The following MAP2K6 variants were observed in gnomAD, a reference collection of about 807,000 sequenced individuals.
The protein encoded by MAP2K6 is mitogen-activated protein kinase kinase 6, also known as dual specificity mitogen-activated protein kinase kinase 6.
In MAP2K6, 16 loss-of-function variants were observed where a neutral mutation model predicts 53.7. That is an observed-to-expected ratio of 0.30 (90% CI 0.20 to 0.45). The LOEUF (loss-of-function observed/expected upper bound fraction) is 0.45. MAP2K6 is among the 20% of genes least tolerant of loss of function. MAP2K6 has a pLI of 1.00. For missense variants in MAP2K6, 204 were observed against 411.9 expected (o/e 0.50, Z 4.37); for synonymous variants, 132 against 143.1 (o/e 0.92, Z 0.55).
intron 1 of MAP2K6, among the ~76,000 whole-genome samples, chr17:69,489,032 C>G (rs575691442): frequency 6.6e-6 from 1 of 151,938 alleles, no homozygotes; most frequent in South Asian, 2.1e-4. Context: ...ACCAGCCTGA[C>G]CAATATGGTG....
intron 1 of MAP2K6, among the ~76,000 whole-genome samples, chr17:69,481,119 A>G (rs141505440): frequency 7.0e-4 from 106 of 152,274 alleles, no homozygotes; most frequent in African/African-American, 2.5e-3. Context: ...CTGAAAATCC[A>G]CACTCATTAA....
intron 1 of MAP2K6, among the ~76,000 whole-genome samples, chr17:69,473,459 C>G (rs553769590): frequency 1.3e-5 from 2 of 152,256 alleles, no homozygotes; most frequent in South Asian, 2.1e-4. Flanking sequence ...CACCAAAATA[C>G]TAATAGCAGT....
rs185969725 is a variant in MAP2K6, at chr17:69,464,668, C to T, written c.17-41112C>T. Among the ~76,000 whole-genome samples, 156 of 152,202 alleles carry T rather than the reference C, an allele frequency of 1.0e-3. 1 individual carries two copies. In the South Asian group the frequency reaches 0.027, roughly 26 times the overall value. ...AAGTGCTGGGATTACAGGTGTTAGCCGCCGCTACTTATTTTTGTAAGATGT... is the reference window on the plus strand; with the variant it reads ...AAGTGCTGGGATTACAGGTGTTAGCTGCCGCTACTTATTTTTGTAAGATGT... On this transcript the variant is annotated intron_variant, in intron 1 of 11. Transcript: ENST00000590474.
chr17:69,508,074 G>A (rs1439832273), intron 2 of MAP2K6, among the ~76,000 whole-genome samples: 3 of 40,970 alleles, frequency 7.3e-5, no homozygotes, highest in Admixed American at 3.6e-4. Flanking sequence ...TTTTTGAGAC[G>A]GAGTTTCGCT....
At chr17:69,482,092 C>G (rs1810047756) in intron 1 of MAP2K6, among the ~76,000 whole-genome samples, 1 of 151,988 alleles carries the variant, frequency 6.6e-6, no homozygotes, top group African/African-American at 2.4e-5. Flanking sequence ...CTATTCTGAT[C>G]CCTGGATTTT....
At chr17:69,432,763 A>G (rs149526438) in intron 1 of MAP2K6, among the ~76,000 whole-genome samples, 2 of 151,552 alleles carry the variant, frequency 1.3e-5, no homozygotes, top group Non-Finnish European at 2.9e-5. Flanking sequence ...ACGTTTACCT[A>G]TGTAACAAAC....
chr17:69,518,062 C>T (rs759792348), intron 4 of MAP2K6, among the ~76,000 whole-genome samples: 12 of 152,162 alleles, frequency 7.9e-5, no homozygotes, highest in Non-Finnish European at 1.5e-4. Context: ...TGGTGGCACA[C>T]ACCTGTAGTC....
intron 1 of MAP2K6, among the ~76,000 whole-genome samples, chr17:69,417,377 G>T (rs1046698185): frequency 6.6e-6 from 1 of 152,114 alleles, no homozygotes. Context: ...GAACTTTCTA[G>T]ATCACTATAA....
At chr17:69,429,758 A>G (rs1906397391) in intron 1 of MAP2K6, among the ~76,000 whole-genome samples, 2 of 152,126 alleles carry the variant, frequency 1.3e-5, no homozygotes, top group South Asian at 4.1e-4. Flanking sequence ...GGTCAGTGGA[A>G]AGGAACTTTT....
chr17:69,452,775 C>T (rs1040955098), intron 1 of MAP2K6, among the ~76,000 whole-genome samples: 3 of 152,084 alleles, frequency 2.0e-5, no homozygotes, highest in African/African-American at 2.4e-5. Flanking sequence ...TAGGTTTTAG[C>T]AAAGTAGCAA....
intron 10 of MAP2K6, among the ~76,000 whole-genome samples, chr17:69,530,372 ACTAT>A (rs150269458): frequency 0.031 from 4,728 of 152,242 alleles, 196 homozygotes; most frequent in African/African-American, 0.094. Context: ...AAAATATGAA[ACTAT>A]CTAGAAACAA....
chr17:69,500,443 G>A (rs1483753476), intron 1 of MAP2K6, among the ~76,000 whole-genome samples: 1 of 59,262 alleles, frequency 1.7e-5, no homozygotes, highest in Non-Finnish European at 3.1e-5. Context: ...GTGAGACTCT[G>A]TCTCAAAAAA....
At position 69,519,560 on chromosome 17, in the gene MAP2K6, C is replaced by T. The variant is rs61758049; in HGVS notation, c.366+128C>T. On this transcript the variant is annotated intron_variant, in intron 5 of 11. Transcript: ENST00000590474. ...GACACATCTTGTATACGGGGGTTTA[C>T]GTGTGTGCAATGATGACATGCCCTG... The T allele has an allele frequency of 1.1e-3, 1,238 of 1,114,736 alleles. 3 individuals carry two copies. The African/African-American group carries it at 0.013, about 11-fold the overall frequency. 69.1% of individuals were successfully genotyped at this position (1,114,736 alleles called of 1,614,324 possible).
At chr17:69,472,101 TTAACA>T (rs1019695244) in intron 1 of MAP2K6, among the ~76,000 whole-genome samples, 10 of 152,138 alleles carry the variant, frequency 6.6e-5, no homozygotes, top group Admixed American at 4.6e-4. Context: ...GCTGAGTGAC[TTAACA>T]TATCGTTCTT....
intron 1 of MAP2K6, among the ~76,000 whole-genome samples, chr17:69,421,011 G>A (rs1016117872): frequency 6.6e-6 from 1 of 152,150 alleles, no homozygotes; most frequent in Non-Finnish European, 1.5e-5. Context: ...TTTATGGACT[G>A]TCTTGTTTGA....
chr17:69,502,580 A>G, intron 1 of MAP2K6: 1 of 985,372 alleles, frequency 1.0e-6, no homozygotes, highest in Non-Finnish European at 1.2e-6. Context: ...ATACTTGGAA[A>G]TATTAGGTTT....
intron 1 of MAP2K6, among the ~76,000 whole-genome samples, chr17:69,423,905 A>T (rs1906177398): frequency 6.6e-6 from 1 of 152,166 alleles, no homozygotes; most frequent in Non-Finnish European, 1.5e-5. Context: ...TTTTATCATC[A>T]CTTTTCATGG....
intron 1 of MAP2K6, among the ~76,000 whole-genome samples, chr17:69,475,791 G>A (rs1362132471): frequency 6.6e-6 from 1 of 152,142 alleles, no homozygotes; most frequent in African/African-American, 2.4e-5. Context: ...CAGGGGTGGT[G>A]GGGATGGAGG....
Position 69,526,829 on chromosome 17 carries a change from TG to T in MAP2K6, c.881+121del. 3 of 1,243,348 alleles carry T rather than the reference TG, an allele frequency of 2.4e-6. No individual in the cohort carries two copies. In the South Asian group the frequency reaches 4.6e-5, roughly 19 times the overall value. 77.0% of individuals were successfully genotyped at this position (1,243,348 alleles called of 1,614,324 possible). A position where few individuals can be genotyped will look rare whatever the true frequency, so the allele number is the denominator to read the frequency against. ...TCATTCCGAAAGCATTTGTGGAGTA[TG>T]CCCTCTCTGCTGGAGAAGCAAAGAT... On this transcript the variant is annotated intron_variant, in intron 10 of 11. Transcript: ENST00000590474.
Sources: gnomAD v4.1 joint callset for allele counts (sites outside exome capture counted in the v4.1 genomes callset) on GRCh38, gnomAD v4.1.1 for gene constraint, MANE v1.5 for transcripts, NCBI Gene and HGNC (gene_info 2026-07-23, HGNC 2026-07-21) for gene names.